The following ALK variants were observed in gnomAD, a reference collection of about 807,000 sequenced individuals.
The protein encoded by ALK is ALK tyrosine kinase receptor.
ALK carries 74 observed loss-of-function variants against 163.1 expected under a neutral mutation model. That is an observed-to-expected ratio of 0.45 (90% confidence interval 0.38 to 0.55). The LOEUF (loss-of-function observed/expected upper bound fraction) is 0.55, where lower values mean the gene tolerates loss of function less well. Among genes scored for constraint, ALK ranks in the 20% least tolerant of loss-of-function variants. The probability of loss-of-function intolerance (pLI) is 0.00; values close to 1 mark genes in which losing one functional copy is unlikely to be tolerated. For missense variants in ALK, 2,063 were observed against 2,105.3 expected (o/e 0.98, Z 0.39); for synonymous variants, 960 against 843.2 (o/e 1.14, Z -2.40).
At chr2:29,720,021 T>C (rs546561455) in intron 1 of ALK, among the ~76,000 whole-genome samples, 2 of 152,286 alleles carry the variant, frequency 1.3e-5, no homozygotes, top group Admixed American at 1.3e-4. Flanking sequence ...GCCTAGGTTA[T>C]ACTTTCCTGT....
intron 4 of ALK, among the ~76,000 whole-genome samples, chr2:29,389,470 C>T (rs899777077): frequency 1.3e-5 from 2 of 152,204 alleles, no homozygotes; most frequent in African/African-American, 4.8e-5. Flanking sequence ...TCCAATCTTG[C>T]AGGTGCCAAT....
At chr2:29,654,193 G>A (rs922104182) in intron 3 of ALK, among the ~76,000 whole-genome samples, 1 of 152,160 alleles carries the variant, frequency 6.6e-6, no homozygotes, top group Non-Finnish European at 1.5e-5. Context: ...GAGAAAACAG[G>A]TCTAAAAGAT....
intron 1 of ALK, among the ~76,000 whole-genome samples, chr2:29,910,218 A>T (rs918084061): frequency 4.6e-5 from 7 of 152,302 alleles, no homozygotes; most frequent in African/African-American, 1.7e-4. Context: ...TCAATACAGT[A>T]TCTAAAGTGA....
At chr2:29,576,885 T>A (rs1257670103) in intron 3 of ALK, among the ~76,000 whole-genome samples, 1 of 151,936 alleles carries the variant, frequency 6.6e-6, no homozygotes, top group Non-Finnish European at 1.5e-5. Context: ...GACCATCTAG[T>A]TGCAGGAAAA....
chr2:29,651,662 G>A (rs11894991), intron 3 of ALK, among the ~76,000 whole-genome samples: 10,683 of 152,202 alleles, frequency 0.07, 656 homozygotes, highest in African/African-American at 0.16. Context: ...GGAGGCGTCA[G>A]CCACAGGGTA....
chr2:29,198,986 C>T (rs1573086674), intron 26 of ALK, among the ~76,000 whole-genome samples: 2 of 149,998 alleles, frequency 1.3e-5, no homozygotes, highest in East Asian at 4.0e-4. Flanking sequence ...TGTAGTCTCA[C>T]TCTGTTACTC....
intron 1 of ALK, among the ~76,000 whole-genome samples, chr2:29,780,254 C>T (rs1434938388): frequency 6.6e-5 from 10 of 152,210 alleles, no homozygotes; most frequent in Admixed American, 6.5e-4. Context: ...CAGAGCCCTC[C>T]TGTCCATGGA....
chr2:29,346,998 T>A (rs1184245606), intron 5 of ALK, among the ~76,000 whole-genome samples: 1 of 152,202 alleles, frequency 6.6e-6, no homozygotes, highest in Non-Finnish European at 1.5e-5. Context: ...TGACCTCACT[T>A]GTCTTCTTTA....
intron 3 of ALK, among the ~76,000 whole-genome samples, chr2:29,581,218 T>C (rs1674680147): frequency 6.6e-6 from 1 of 151,996 alleles, no homozygotes; most frequent in South Asian, 2.1e-4. Context: ...TGAAACCCCA[T>C]CTCTACTAAA....
intron 3 of ALK, among the ~76,000 whole-genome samples, chr2:29,590,325 C>T (rs982773931): frequency 6.6e-6 from 1 of 152,164 alleles, no homozygotes; most frequent in Non-Finnish European, 1.5e-5. Context: ...CCAAATCATG[C>T]ATGGTTCCGC....
intron 4 of ALK, among the ~76,000 whole-genome samples, chr2:29,400,746 C>T (rs546990533): frequency 1.3e-4 from 20 of 152,176 alleles, no homozygotes; most frequent in Admixed American, 5.2e-4. Context: ...ATGCTGAGAT[C>T]GGCAGATCAT....
intron 4 of ALK, among the ~76,000 whole-genome samples, chr2:29,506,117 GCT>G (rs1442457015): frequency 6.6e-6 from 1 of 152,194 alleles, no homozygotes; most frequent in East Asian, 1.9e-4. Flanking sequence ...GGGTACAGAG[GCT>G]CTACGTAAGT....
rs1292130617 is a variant in ALK, at chr2:29,246,166, G to C, written c.2204+4939C>G. ...GGGGAGGAGATGGGGGCAGGACTGCGGGCTGAGAAGGATGCTGGTCCTAGA... is the reference window on the plus strand; with the variant it reads ...GGGGAGGAGATGGGGGCAGGACTGCCGGCTGAGAAGGATGCTGGTCCTAGA... On this transcript the variant is annotated intron_variant, in intron 12 of 28. Coordinates refer to ENST00000389048, the MANE Select transcript of ALK (RefSeq NM_004304.5). The surrounding 1 kb of genome is among the most constrained non-coding windows in gnomAD (Gnocchi z 4.3). Among the ~76,000 whole-genome samples, 3 of 151,960 alleles carry C rather than the reference G, an allele frequency of 2.0e-5. No individual in the cohort carries two copies. Among genetic ancestry groups the C allele is most frequent in the African/African-American group, 7.3e-5 (3 of 41,324 alleles).
chr2:29,571,861 G>A (rs1391996598), intron 3 of ALK, among the ~76,000 whole-genome samples: 2 of 151,956 alleles, frequency 1.3e-5, no homozygotes, highest in Admixed American at 6.6e-5. Flanking sequence ...TGATCCACCT[G>A]CCTCGGCCTC....
chr2:29,454,648 T>C (rs1670905015), intron 4 of ALK, among the ~76,000 whole-genome samples: 1 of 152,112 alleles, frequency 6.6e-6, no homozygotes, highest in Admixed American at 6.5e-5. Flanking sequence ...TTTAATTCTA[T>C]ATATCAATTG....
chr2:29,752,402 T>G (rs1680394027), intron 1 of ALK, among the ~76,000 whole-genome samples: 2 of 145,546 alleles, frequency 1.4e-5, no homozygotes, highest in South Asian at 2.2e-4. Flanking sequence ...CAGGCTGGAG[T>G]GCAGTGGCGC....
intron 4 of ALK, among the ~76,000 whole-genome samples, chr2:29,409,514 C>T (rs1433866064): frequency 6.6e-6 from 1 of 152,142 alleles, no homozygotes; most frequent in African/African-American, 2.4e-5. Flanking sequence ...AATCCATCAG[C>T]CCATCCCTCT....
intron 1 of ALK, among the ~76,000 whole-genome samples, chr2:29,787,346 C>A (rs957465884): frequency 6.6e-6 from 1 of 152,140 alleles, no homozygotes; most frequent in Non-Finnish European, 1.5e-5. Context: ...GGGCTTTATT[C>A]CTTAAGCTAC....
intron 1 of ALK, among the ~76,000 whole-genome samples, chr2:29,759,507 C>T (rs1204160962): frequency 2.0e-5 from 3 of 152,182 alleles, no homozygotes; most frequent in Non-Finnish European, 4.4e-5. Context: ...ATTTAGCCTT[C>T]TAGGGACAGG....
Sources: gnomAD v4.1 joint callset for allele counts (sites outside exome capture counted in the v4.1 genomes callset) on GRCh38, gnomAD v4.1.1 for gene constraint, Gnocchi (gnomAD v3.1) non-coding constraint, MANE v1.5 for transcripts, NCBI Gene and HGNC (gene_info 2026-07-23, HGNC 2026-07-21) for gene names.